PEPD: variants seen among roughly 807,000 people sequenced by gnomAD.
PEPD encodes peptidase D.
Under a neutral mutation model 60.7 loss-of-function variants are expected in PEPD, and 53 were observed. That is an observed-to-expected ratio of 0.87 (90% CI 0.70 to 1.10). PEPD has a LOEUF of 1.10. PEPD is among the 50% of genes least tolerant of loss of function. The pLI is 0.00. For missense variants in PEPD, 711 were observed against 711.9 expected, an observed-to-expected ratio of 1.00 and a Z score of 0.01; for synonymous variants, 267 against 284.1, an observed-to-expected ratio of 0.94 and a Z score of 0.60.
intron 7 of PEPD, among the ~76,000 whole-genome samples, chr19:33,472,107 GC>G (rs1389553366): frequency 6.6e-6 from 1 of 151,216 alleles, no homozygotes; most frequent in Non-Finnish European, 1.5e-5. Flanking sequence ...GTTGCAGTGA[GC>G]CAAGATTGAG....
intron 11 of PEPD, 100 bp from the exon 12 acceptor site, chr19:33,401,969 G>T: frequency 8.5e-7 from 1 of 1,178,510 alleles, no homozygotes. Context: ...CAGCTGGCCC[G>T]GGTCCTGGAT....
chr19:33,492,268 C>T (rs1160633110), intron 5 of PEPD, among the ~76,000 whole-genome samples: 4 of 152,162 alleles, frequency 2.6e-5, no homozygotes, highest in Non-Finnish European at 5.9e-5. Context: ...CCCAGGCCCT[C>T]GGTCAGTCAC....
Position 33,511,046 on chromosome 19 carries a change from T to A in PEPD, c.311A>T (p.His104Leu), listed in dbSNP as rs1389093016. The A allele has an allele frequency of 1.9e-6, 3 of 1,611,908 alleles. No individual in the cohort carries two copies. The highest frequency in any genetic ancestry group is 4.5e-5 in the East Asian group (2 of 44,730). The change falls in exon 3 of 15, where the codon CAT (histidine) becomes CTT (leucine). Residue 104 changes from histidine (H) to leucine (L), a missense_variant. By Grantham distance (99) the His-to-Leu change is moderately conservative (BLOSUM62 -3). Coordinates refer to ENST00000244137, the MANE Select transcript of PEPD (RefSeq NM_000285.4). Reference sequence around the variant, plus strand: ...TCCTTACTTTCCCATCCAGGTGGCATGGCTGGCAGGAAGCCTGGGCACAAA... The same window carrying A: ...TCCTTACTTTCCCATCCAGGTGGCAAGGCTGGCAGGAAGCCTGGGCACAAA... ...TLFVPRLPAS[H>L]ATWMGKIHSK...
intron 9 of PEPD, among the ~76,000 whole-genome samples, chr19:33,422,819 T>C (rs921745155): frequency 1.9e-4 from 6 of 32,306 alleles, no homozygotes; most frequent in Non-Finnish European, 3.5e-4. Flanking sequence ...CATCCTTCTA[T>C]ATCTATCTAT....
chr19:33,439,948 C>A (rs1969453165), intron 9 of PEPD, among the ~76,000 whole-genome samples: 1 of 152,146 alleles, frequency 6.6e-6, no homozygotes, highest in Non-Finnish European at 1.5e-5. Context: ...GAACCCCCGG[C>A]CTCAAGTGAT....
At chr19:33,410,334 T>A (rs1176052987) in intron 11 of PEPD, among the ~76,000 whole-genome samples, 1 of 152,216 alleles carries the variant, frequency 6.6e-6, no homozygotes, top group East Asian at 1.9e-4. Flanking sequence ...GCAGTCTCAG[T>A]AGGCCATGTG....
chr19:33,478,186 A>T, intron 6 of PEPD, 96 bp from the exon 7 acceptor site: 1 of 805,938 alleles, frequency 1.2e-6, no homozygotes, highest in Middle Eastern at 2.2e-4. Flanking sequence ...TGATGCATTA[A>T]AGAGGGTCCC....
chr19:33,439,288 CCT>C (rs1969439709), intron 9 of PEPD, among the ~76,000 whole-genome samples: 1 of 152,254 alleles, frequency 6.6e-6, no homozygotes, highest in South Asian at 2.1e-4. Context: ...CTTCCTGCCC[CCT>C]GCCTCCCTCT....
At chr19:33,506,005 A>G (rs373565394) in intron 3 of PEPD, among the ~76,000 whole-genome samples, 3 of 144,232 alleles carry the variant, frequency 2.1e-5, no homozygotes, top group African/African-American at 7.9e-5. Context: ...TCACTCACAC[A>G]CCCTCATCAT....
chr19:33,457,866 G>GA (rs1210590420), intron 9 of PEPD, among the ~76,000 whole-genome samples: 2 of 152,178 alleles, frequency 1.3e-5, no homozygotes, highest in African/African-American at 4.8e-5. Context: ...AACAAAAAGA[G>GA]AAAAAAATCT....
chr19:33,457,712 G>A (rs1290121177), intron 9 of PEPD, among the ~76,000 whole-genome samples: 1 of 152,182 alleles, frequency 6.6e-6, no homozygotes, highest in African/African-American at 2.4e-5. Flanking sequence ...CGGTTTCACC[G>A]CGTTAGCCAG....
intron 12 of PEPD, among the ~76,000 whole-genome samples, chr19:33,397,824 C>T (rs943642594): frequency 5.3e-5 from 8 of 152,214 alleles, no homozygotes; most frequent in African/African-American, 1.9e-4. Context: ...TCAGCATGAA[C>T]CAGGCAGCAC....
rs756435753 is a variant in PEPD, at chr19:33,387,493, C to T, written c.1345-12G>A. ...TCCTCGATGCGGACCTGGGTCAAGC[C>T]GACAGACACACATTATCATAGAGCA... On this transcript the variant is annotated splice_polypyrimidine_tract_variant and intron_variant, in intron 14 of 14. Coordinates refer to ENST00000244137, the MANE Select transcript of PEPD (RefSeq NM_000285.4). 9.9e-6 allele frequency: 16 copies of T among 1,613,162 alleles called. No homozygotes were observed. The highest frequency in any genetic ancestry group is 5.0e-5 in the Admixed American group (3 of 60,034).
chr19:33,443,937 A>G (rs1186402612), intron 9 of PEPD, among the ~76,000 whole-genome samples: 3 of 149,518 alleles, frequency 2.0e-5, no homozygotes, highest in Non-Finnish European at 4.4e-5. Flanking sequence ...GGGTGTACGT[A>G]CCACATGCAC....
intron 11 of PEPD, among the ~76,000 whole-genome samples, chr19:33,409,330 C>G (rs939321029): frequency 6.6e-6 from 1 of 152,236 alleles, no homozygotes; most frequent in East Asian, 1.9e-4. Context: ...CATGTCCTGT[C>G]CTCCAGGCCC....
intron 1 of PEPD, among the ~76,000 whole-genome samples, chr19:33,521,394 C>A (rs1472355466): frequency 1.3e-5 from 2 of 152,224 alleles, no homozygotes; most frequent in Non-Finnish European, 2.9e-5. Context: ...CTCCGGGAAG[C>A]GCCCGGGTCC....
At chr19:33,468,960 G>C (rs1970071552) in intron 7 of PEPD, among the ~76,000 whole-genome samples, 1 of 152,176 alleles carries the variant, frequency 6.6e-6, no homozygotes, top group Non-Finnish European at 1.5e-5. Flanking sequence ...GGGGCCAGCA[G>C]CTCAGGCTCC....
At chr19:33,454,495 G>T (rs757855295) in intron 9 of PEPD, among the ~76,000 whole-genome samples, 1 of 151,898 alleles carries the variant, frequency 6.6e-6, no homozygotes, top group Non-Finnish European at 1.5e-5. Context: ...CCAGCTACTC[G>T]AGCGGCTGAA....
At chr19:33,436,994 G>C (rs757150673) in intron 9 of PEPD, among the ~76,000 whole-genome samples, 1 of 152,174 alleles carries the variant, frequency 6.6e-6, no homozygotes, top group African/African-American at 2.4e-5. Flanking sequence ...TGGAGGAGGA[G>C]GAAAGAAAAA....
Sources: gnomAD v4.1 joint callset for allele counts (sites outside exome capture counted in the v4.1 genomes callset) on GRCh38, gnomAD v4.1.1 for gene constraint, MANE v1.5 for transcripts, NCBI Gene and HGNC (gene_info 2026-07-23, HGNC 2026-07-21) for gene names.